DGKK: variants seen among roughly 807,000 people sequenced by gnomAD.
DGKK encodes the protein diacylglycerol kinase kappa, also known as 142 kDa diacylglycerol kinase.
In DGKK, 35 loss-of-function variants were observed where a neutral mutation model predicts 92.2. The ratio of observed to expected loss-of-function variants is 0.38; its 90% CI spans 0.29 to 0.50. The LOEUF (loss-of-function observed/expected upper bound fraction) is 0.50, where lower values mean the gene tolerates loss of function less well. DGKK is among the 20% of genes least tolerant of loss of function. The pLI, the probability that DGKK is intolerant of heterozygous loss-of-function variation, is 0.92. For missense variants in DGKK, 910 were observed against 992.2 expected, an observed-to-expected ratio of 0.92 and a Z score of 1.11; for synonymous variants, 368 against 360.6, an observed-to-expected ratio of 1.02 and a Z score of -0.23.
At chrX:50,388,364 T>C (rs939203581) in intron 13 of DGKK, among the ~76,000 whole-genome samples, 163 bp downstream of exon 13, 4 of 112,064 alleles carry the variant, frequency 3.6e-5, no homozygotes, top group Non-Finnish European at 7.5e-5. Flanking sequence ...CAATGTCATC[T>C]TTCTTTCCTA....
At position 50,391,212 on chromosome X, in the gene DGKK, G is replaced by C. The variant is rs1924686206; in HGVS notation, c.1844+225C>G. ...GGCCCACTGCAGCCTTAACTTCCCA[G>C]TAGGATCCTTTAGTTTTGAAGAGGG... On this transcript the variant is annotated intron_variant, in intron 11 of 27. Coordinates refer to ENST00000611977, the MANE Select transcript of DGKK (RefSeq NM_001013742.4). Among the ~76,000 whole-genome samples the C allele has an allele frequency of 3.6e-5, 4 of 111,392 alleles. No homozygotes were observed. The Admixed American group carries it at 3.8e-4, about 11-fold the overall frequency.
At chrX:50,394,845 G>A (rs1924800165) in intron 8 of DGKK, among the ~76,000 whole-genome samples, 1 of 111,725 alleles carries the variant, frequency 9.0e-6, no homozygotes, top group African/African-American at 3.3e-5. Flanking sequence ...GAGTGTCAGG[G>A]ATGGCTTCTT....
intron 1 of DGKK, among the ~76,000 whole-genome samples, chrX:50,441,320 C>G (rs1557231287): frequency 9.0e-6 from 1 of 111,384 alleles, no homozygotes; most frequent in African/African-American, 3.3e-5. Flanking sequence ...CTAATTGATT[C>G]CCATATATGA....
At chrX:50,384,335 C>T (rs1448350118) in intron 16 of DGKK, 71 bp from the exon 17 acceptor site, 2 of 740,711 alleles carry the variant, frequency 2.7e-6, no homozygotes, top group African/African-American at 2.2e-5. Flanking sequence ...TTGTATTTCG[C>T]CCTATTTTCT....
At chrX:50,383,976 A>T (rs1924474990) in intron 17 of DGKK, among the ~76,000 whole-genome samples, 192 bp downstream of exon 17, 1 of 112,245 alleles carries the variant, frequency 8.9e-6, no homozygotes, top group Non-Finnish European at 1.9e-5. Flanking sequence ...AATACAGCAA[A>T]CCCATGATGC....
chrX:50,391,287 A>G, intron 11 of DGKK, 150 bp downstream of exon 11: 1 of 722,310 alleles, frequency 1.4e-6, no homozygotes, highest in Non-Finnish European at 2.0e-6. Flanking sequence ...CCAAGAGACA[A>G]GCCCCACCCA....
intron 8 of DGKK, among the ~76,000 whole-genome samples, chrX:50,400,187 G>GT (rs1557226465): frequency 9.0e-6 from 1 of 111,067 alleles, no homozygotes. Flanking sequence ...CCTAGCTCTT[G>GT]TTTTTTTTCC....
rs983202362 is a variant in DGKK at position 50,445,521 on chromosome X, C to T, written c.646-21163G>A. On this transcript the variant is annotated intron_variant, in intron 1 of 27. Coordinates refer to ENST00000611977, the MANE Select transcript of DGKK (RefSeq NM_001013742.4). ...TATAACTAGCCAGTTATCCCAGCAT[C>T]ACTTATTTAATAGGAAGTCTTTTCC... Among the ~76,000 whole-genome samples the T allele has an allele frequency of 4.5e-5, 5 of 111,241 alleles. No homozygotes were observed. The Admixed American group carries it at 4.8e-4, about 11-fold the overall frequency.
Position 50,403,153 on chromosome X carries a change from T to G in DGKK, c.1216A>C (p.Met406Leu), listed in dbSNP as rs782732270. The change falls in exon 7 of 28, where the codon ATG (methionine) becomes CTG (leucine). Residue 406 changes from methionine (M) to leucine (L), a missense_variant. Coordinates refer to ENST00000611977, the MANE Select transcript of DGKK (RefSeq NM_001013742.4). ...NMPHQWVEGN[M>L]PVSSQCAVCH... is the part of the protein sequence containing the mutation. ...ACTGCACACTGAGAGCTGACAGGCATGTTTCCTTCTACCCATTGATGGGGC... is the reference window on the plus strand; with the variant it reads ...ACTGCACACTGAGAGCTGACAGGCAGGTTTCCTTCTACCCATTGATGGGGC... 8.3e-7 allele frequency: 1 copy of G among 1,202,008 alleles called. No homozygotes were observed.
chrX:50,377,977 C>A, intron 22 of DGKK, 121 bp downstream of exon 22: 1 of 883,207 alleles, frequency 1.1e-6, no homozygotes. Context: ...TCTCAAGTGA[C>A]TCTGATGCCA....
intron 1 of DGKK, among the ~76,000 whole-genome samples, chrX:50,464,387 C>T (rs782321315): frequency 1.3e-4 from 14 of 109,860 alleles, no homozygotes; most frequent in African/African-American, 4.0e-4. Context: ...GCACCCCCCG[C>T]GCCCCTGCTT....
At chrX:50,380,422 T>C (rs1308982421) in intron 18 of DGKK, among the ~76,000 whole-genome samples, 1 of 111,480 alleles carries the variant, frequency 9.0e-6, no homozygotes, top group Non-Finnish European at 1.9e-5. Context: ...CCAGCTACCC[T>C]AGTTGTGCTA....
In DGKK at chrX:50,403,178, C is replaced by A; in HGVS notation, c.1191G>T (p.Met397Ile). 8.4e-7 allele frequency: 1 copy of A among 1,191,499 alleles called. No homozygotes were observed. Among genetic ancestry groups the A allele is most frequent in the South Asian group, 1.9e-5 (1 of 53,704 alleles). The stretch of plus-strand genomic sequence containing the variant: ...TGTTTCCTTCTACCCATTGATGGGG[C>A]ATGTTCTGCAGAAGGGTAAAAAGAC... ...DLLLPADEVN[M>I]PHQWVEGNMP... Residue 397 changes from methionine to isoleucine, a missense_variant, in exon 7 of 28, where the codon ATG becomes ATT. Transcript: ENST00000611977.
chrX:50,449,219 T>C (rs1926437488), intron 1 of DGKK, among the ~76,000 whole-genome samples: 1 of 111,389 alleles, frequency 9.0e-6, no homozygotes, highest in Non-Finnish European at 1.9e-5. Context: ...AGAGGGGAGA[T>C]AGCGGAAGTA....
At chrX:50,467,666 C>T (rs1232126512) in intron 1 of DGKK, among the ~76,000 whole-genome samples, 1 of 112,747 alleles carries the variant, frequency 8.9e-6, no homozygotes, top group African/African-American at 3.2e-5. Flanking sequence ...AACATCACCC[C>T]AGCTAAGATG....
chrX:50,377,543 G>C (rs1295584666), intron 22 of DGKK, among the ~76,000 whole-genome samples: 1 of 112,003 alleles, frequency 8.9e-6, no homozygotes, highest in African/African-American at 3.2e-5. Context: ...TGTTTCCATG[G>C]ACTTTTCACA....
At chrX:50,465,591 G>A (rs542145722) in intron 1 of DGKK, among the ~76,000 whole-genome samples, 5 of 110,584 alleles carry the variant, frequency 4.5e-5, no homozygotes, top group African/African-American at 1.6e-4. Context: ...GTGAGTAATC[G>A]GTTCAGGGTC....
chrX:50,423,147 C>T (rs1557229326), intron 2 of DGKK, among the ~76,000 whole-genome samples: 1 of 112,299 alleles, frequency 8.9e-6, no homozygotes, highest in Non-Finnish European at 1.9e-5. Context: ...ATAATTTTGT[C>T]TTTGAGCATG....
chrX:50,437,665 C>T (rs1009763938), intron 1 of DGKK, among the ~76,000 whole-genome samples: 2 of 111,121 alleles, frequency 1.8e-5, no homozygotes, highest in Admixed American at 9.6e-5. Context: ...AGGAAGAGAT[C>T]AGTGGTATTA....
Sources: allele counts gnomAD v4.1 joint callset (sites outside exome capture counted in the v4.1 genomes callset), GRCh38; gene constraint gnomAD v4.1.1; transcripts MANE v1.5; gene names NCBI Gene and HGNC (gene_info 2026-07-23, HGNC 2026-07-21).